The following CD38 variants were observed in gnomAD, a reference collection of about 807,000 sequenced individuals.
CD38 encodes CD38 molecule, also known as ADP-ribosyl cyclase/cyclic ADP-ribose hydrolase 1.
In CD38, 31 loss-of-function variants were observed where a neutral mutation model predicts 36.3. The observed-to-expected ratio is 0.85, with a 90% confidence interval of 0.64 to 1.15. The LOEUF is 1.15. CD38 is among the 50% of genes most tolerant of loss of function. The probability of loss-of-function intolerance (pLI) is 0.00; values close to 1 mark genes in which losing one functional copy is unlikely to be tolerated. For missense variants in CD38, 380 were observed against 371.9 expected, an observed-to-expected ratio of 1.02 and a Z score of -0.18; for synonymous variants, 131 against 135.2, an observed-to-expected ratio of 0.97 and a Z score of 0.22.
intron 1 of CD38, among the ~76,000 whole-genome samples, chr4:15,783,164 G>A (rs530159016): frequency 4.7e-4 from 71 of 152,210 alleles, no homozygotes; most frequent in African/African-American, 1.5e-3. Context: ...TCAACAAAGC[G>A]TTTGCTGACT....
intron 3 of CD38, chr4:15,825,502 G>A (rs913045925): frequency 4.6e-5 from 7 of 153,018 alleles, no homozygotes; most frequent in African/African-American, 1.7e-4. Context: ...CTAGTCCCGA[G>A]CTCCAACACT....
intron 5 of CD38, among the ~76,000 whole-genome samples, chr4:15,839,023 T>A (rs1375318899): frequency 6.6e-6 from 1 of 152,180 alleles, no homozygotes; most frequent in Non-Finnish European, 1.5e-5. Context: ...TAATTTTTGT[T>A]CTCTAATCCC....
At chr4:15,839,912 C>G in intron 5 of CD38, 114 bp from the exon 6 acceptor site, 1 of 722,016 alleles carries the variant, frequency 1.4e-6, no homozygotes, top group Non-Finnish European at 2.5e-6. Flanking sequence ...TTTGATGTGT[C>G]AACTCTAAAG....
rs1724430258 is a variant in CD38, at chr4:15,852,941, G to C, written c.*4339G>C. ...TTCTCCTGCCTCAGCCTCCCAAGTA[G>C]CTGGGACTGCAGGCGCCCGCCATCT... On this transcript the variant is annotated 3_prime_UTR_variant, in exon 8 of 8. Transcript: ENST00000226279. 1 of 151,816 alleles carries C rather than the reference G, an allele frequency of 6.6e-6. No individual in the cohort carries two copies. Among genetic ancestry groups the C allele is most frequent in the South Asian group, 2.1e-4 (1 of 4,812 alleles). The allele number at this position is 151,816 out of a possible 1,614,324, so 9.4% of individuals were successfully genotyped here.
Position 15,848,722 on chromosome 4 carries a change from A to T in CD38, c.*120A>T. On this transcript the variant is annotated 3_prime_UTR_variant, in exon 8 of 8. Coordinates refer to ENST00000226279, the MANE Select transcript of CD38 (RefSeq NM_001775.4). ...TGGAGGGTCCTCCACAATAAGGTCAATGCCAGAGACGGAAGCCTTTTTCCC... is the reference window on the plus strand; with the variant it reads ...TGGAGGGTCCTCCACAATAAGGTCATTGCCAGAGACGGAAGCCTTTTTCCC... 5 of 680,810 alleles carry T rather than the reference A, an allele frequency of 7.3e-6. No individual in the cohort carries two copies. The highest frequency in any genetic ancestry group is 7.7e-6 in the Non-Finnish European group (3 of 391,190). 42.2% of individuals were successfully genotyped at this position (680,810 alleles called of 1,614,324 possible). A position where few individuals can be genotyped will look rare whatever the true frequency, so the allele number is the denominator to read the frequency against.
chr4:15,820,193 A>G (rs907779127), intron 2 of CD38, among the ~76,000 whole-genome samples: 1 of 152,240 alleles, frequency 6.6e-6, no homozygotes, highest in Admixed American at 6.5e-5. Context: ...TCCTGAAGGA[A>G]GCACTAAATA....
At chr4:15,809,819 T>G (rs3796871) in intron 1 of CD38, among the ~76,000 whole-genome samples, 16,110 of 152,166 alleles carry the variant, frequency 0.11, 1,403 homozygotes, top group African/African-American at 0.23. Flanking sequence ...AAATGATTCA[T>G]TCCTTCTCTG....
intron 2 of CD38, among the ~76,000 whole-genome samples, chr4:15,817,189 C>A (rs144481648): frequency 6.6e-6 from 1 of 152,272 alleles, no homozygotes; most frequent in African/African-American, 2.4e-5. Context: ...CAGTGTTGCC[C>A]AAGTTTGACA....
intron 2 of CD38, among the ~76,000 whole-genome samples, chr4:15,818,012 C>G (rs1245346695): frequency 6.6e-6 from 1 of 152,154 alleles, no homozygotes; most frequent in East Asian, 1.9e-4. Context: ...GAACTGTTCA[C>G]TCCCCTGGAA....
chr4:15,832,295 G>A (rs1458804369), intron 3 of CD38, among the ~76,000 whole-genome samples: 1 of 152,098 alleles, frequency 6.6e-6, no homozygotes, highest in Non-Finnish European at 1.5e-5. Flanking sequence ...ATTTGGTGAG[G>A]TCATGTATTC....
chr4:15,825,460 C>G (rs1723826809), intron 3 of CD38: 1 of 157,682 alleles, frequency 6.3e-6, no homozygotes, highest in Admixed American at 6.2e-5. Context: ...GCCATTCGTG[C>G]AGGATCATCC....
rs750034093 is a variant in CD38 at position 15,848,553 on chromosome 4, T to G, written c.854T>G (p.Leu285Arg). Residue 285 changes from leucine (L) to arginine (R), a missense_variant, in exon 8 of 8, where the codon CTT becomes CGT. Leu to Arg is a moderately radical substitution (Grantham distance 102, BLOSUM62 -2). Coordinates refer to ENST00000226279, the MANE Select transcript of CD38 (RefSeq NM_001775.4). The stretch of plus-strand genomic sequence containing the variant: ...TCTTGTCATAGACCTGACAAGTTTC[T>G]TCAGTGTGTGAAAAATCCTGAGGAT... The part of the protein sequence containing the change: ...CKNIYRPDKF[L>R]QCVKNPEDSS... 3.7e-6 allele frequency: 6 copies of G among 1,613,634 alleles called. No homozygotes were observed. The highest frequency in any genetic ancestry group is 1.6e-4 in the Middle Eastern group (1 of 6,084).
Position 15,853,139 on chromosome 4 carries a change from G to A in CD38, c.*4537G>A, listed in dbSNP as rs1724435057. On this transcript the variant is annotated 3_prime_UTR_variant, in exon 8 of 8. Transcript: ENST00000226279. ...GGAATTCGGAGGCAGGTGATGCATT[G>A]GGCGAGTTTATTAACATCTGTGACT... The A allele has an allele frequency of 6.6e-6, 1 of 152,166 alleles. No homozygotes were observed. Among genetic ancestry groups the A allele is most frequent in the African/African-American group, 2.4e-5 (1 of 41,438 alleles). The allele number at this position is 152,166 out of a possible 1,614,324, so 9.4% of individuals were successfully genotyped here.
chr4:15,785,354 C>T (rs1722792207), intron 1 of CD38, among the ~76,000 whole-genome samples: 3 of 152,122 alleles, frequency 2.0e-5, no homozygotes, highest in Admixed American at 2.0e-4. Context: ...TGGGAAACAA[C>T]AGATATCAGG....
At chr4:15,838,640 C>T (rs1481192484) in intron 5 of CD38, among the ~76,000 whole-genome samples, 1 of 152,190 alleles carries the variant, frequency 6.6e-6, no homozygotes, top group Non-Finnish European at 1.5e-5. Flanking sequence ...CCGGGAACAT[C>T]GGGAACTGTG....
At chr4:15,832,471 C>A (rs1295108460) in intron 3 of CD38, among the ~76,000 whole-genome samples, 1 of 152,198 alleles carries the variant, frequency 6.6e-6, no homozygotes, top group Non-Finnish European at 1.5e-5. Context: ...GGGGGCCCTG[C>A]AAGCCTAGTA....
chr4:15,795,464 CT>C (rs1723086499), intron 1 of CD38, among the ~76,000 whole-genome samples: 1 of 152,066 alleles, frequency 6.6e-6, no homozygotes, highest in African/African-American at 2.4e-5. Flanking sequence ...CTTGTTCCCT[CT>C]AATAACTCTT....
chr4:15,806,224 C>G lies in CD38; in HGVS notation c.234-10287C>G, dbSNP rs79511686. On this transcript the variant is annotated intron_variant, in intron 1 of 7. Transcript: ENST00000226279. Reference sequence around the variant, plus strand: ...TTATCTGACTCACTTTACCCCAGCACTGGGGAATAACTGTGCCCTATTCTG... The same window carrying G: ...TTATCTGACTCACTTTACCCCAGCAGTGGGGAATAACTGTGCCCTATTCTG... 7.5e-4 allele frequency among the ~76,000 whole-genome samples: 115 copies of G among 152,322 alleles called. 1 individual carries two copies. In the East Asian group the frequency reaches 0.017, roughly 23 times the overall value.
At chr4:15,798,810 A>G (rs1225885053) in intron 1 of CD38, among the ~76,000 whole-genome samples, 2 of 152,190 alleles carry the variant, frequency 1.3e-5, no homozygotes, top group East Asian at 1.9e-4. Context: ...GATCATTAAC[A>G]TAAGTAATTA....
Sources: allele counts gnomAD v4.1 joint callset (sites outside exome capture counted in the v4.1 genomes callset), GRCh38; gene constraint gnomAD v4.1.1; transcripts MANE v1.5; gene names NCBI Gene and HGNC (gene_info 2026-07-23, HGNC 2026-07-21).